Variants in KCND3 observed in about 807,000 individuals in gnomAD.
The protein encoded by KCND3 is A-type voltage-gated potassium channel KCND3.
KCND3 carries 9 observed loss-of-function variants against 51.1 expected under a neutral mutation model. The observed-to-expected ratio is 0.18, with a 90% CI of 0.11 to 0.31. The LOEUF is 0.31. Among genes scored for constraint, KCND3 ranks in the 10% least tolerant of loss-of-function variants. The pLI, the probability that KCND3 is intolerant of heterozygous loss-of-function variation, is 1.00. For synonymous variants in KCND3, 349 were observed against 368.0 expected (o/e 0.95, Z 0.59); for missense variants, 526 against 903.8 (o/e 0.58, Z 5.36).
chr1:111,955,520 GC>G (rs1430646944), intron 2 of KCND3, among the ~76,000 whole-genome samples: 2 of 152,154 alleles, frequency 1.3e-5, no homozygotes, highest in Admixed American at 1.3e-4. Context: ...TGGATGGGGG[GC>G]CACATTTCTG....
intron 2 of KCND3, among the ~76,000 whole-genome samples, chr1:111,836,580 T>G (rs956624998): frequency 1.3e-5 from 2 of 152,142 alleles, no homozygotes; most frequent in African/African-American, 4.8e-5. Context: ...TCTTCTGACC[T>G]CCAGAAGCCT....
chr1:111,863,743 C>A (rs1315647346), intron 2 of KCND3, among the ~76,000 whole-genome samples: 1 of 152,068 alleles, frequency 6.6e-6, no homozygotes, highest in African/African-American at 2.4e-5. Flanking sequence ...AGCAGGATAG[C>A]AACATAATTA....
At chr1:111,969,013 T>TG (rs1291461226) in intron 2 of KCND3, among the ~76,000 whole-genome samples, 1 of 152,198 alleles carries the variant, frequency 6.6e-6, no homozygotes, top group Non-Finnish European at 1.5e-5. Context: ...TCAGGCTTTT[T>TG]TTTTTCTTTG....
chr1:111,844,835 C>T (rs1206066071), intron 2 of KCND3, among the ~76,000 whole-genome samples: 1 of 152,188 alleles, frequency 6.6e-6, no homozygotes, highest in Non-Finnish European at 1.5e-5. Context: ...CACCCAGCAT[C>T]TTGGTCCCTT....
chr1:111,942,839 A>G (rs1355936785), intron 2 of KCND3, among the ~76,000 whole-genome samples: 1 of 152,206 alleles, frequency 6.6e-6, no homozygotes, highest in African/African-American at 2.4e-5. Flanking sequence ...CTCTGGCTCC[A>G]TTTAAATGGC....
intron 2 of KCND3, among the ~76,000 whole-genome samples, chr1:111,825,199 A>G (rs1468651996): frequency 4.6e-5 from 7 of 152,188 alleles, no homozygotes; most frequent in Admixed American, 4.6e-4. Context: ...CAGGGTCCAC[A>G]CTTTGGGAAG....
At chr1:111,923,661 C>T (rs1671574020) in intron 2 of KCND3, among the ~76,000 whole-genome samples, 1 of 152,218 alleles carries the variant, frequency 6.6e-6, no homozygotes, top group South Asian at 2.1e-4. Flanking sequence ...AAATTTATTT[C>T]TGTACTGCCA....
intron 2 of KCND3, among the ~76,000 whole-genome samples, chr1:111,796,624 T>C (rs747752418): frequency 2.6e-5 from 4 of 152,064 alleles, no homozygotes; most frequent in Non-Finnish European, 5.9e-5. Flanking sequence ...CTGGGAACTA[T>C]TGGAGGGTGG....
At chr1:111,816,357 T>G (rs1666088440) in intron 2 of KCND3, among the ~76,000 whole-genome samples, 1 of 151,914 alleles carries the variant, frequency 6.6e-6, no homozygotes, top group Non-Finnish European at 1.5e-5. Context: ...CTGAGTGGAG[T>G]GAACTGACTC....
At chr1:111,857,121 A>C (rs1024487832) in intron 2 of KCND3, among the ~76,000 whole-genome samples, 1 of 152,144 alleles carries the variant, frequency 6.6e-6, no homozygotes, top group Non-Finnish European at 1.5e-5. Context: ...TCATTTACAA[A>C]TAGTAAGTGA....
intron 2 of KCND3, among the ~76,000 whole-genome samples, chr1:111,916,915 T>C (rs1375324161): frequency 1.3e-5 from 2 of 152,206 alleles, no homozygotes; most frequent in Admixed American, 1.3e-4. Context: ...GTTAAATCTT[T>C]CCACAAATAA....
chr1:111,889,217 A>G lies in KCND3; in HGVS notation c.1106+92404T>C, dbSNP rs544535588. On this transcript the variant is annotated intron_variant, in intron 2 of 7. Transcript: ENST00000302127. ...CATAAGTGAACAGAGGCCTGCCCCA[A>G]AAATTCAGGGGACAGACACCGCAGC... 2.6e-3 allele frequency among the ~76,000 whole-genome samples: 392 copies of G among 152,320 alleles called. 1 individual carries two copies. Among genetic ancestry groups the G allele is most frequent in the Non-Finnish European group, 3.0e-3 (202 of 68,020 alleles).
intron 2 of KCND3, among the ~76,000 whole-genome samples, chr1:111,875,597 C>A (rs549509390): frequency 6.6e-6 from 1 of 152,216 alleles, no homozygotes; most frequent in African/African-American, 2.4e-5. Context: ...CTCTGTGTTC[C>A]TTCCCGGGAT....
intron 2 of KCND3, among the ~76,000 whole-genome samples, chr1:111,979,315 C>T (rs761776279): frequency 9.2e-5 from 14 of 152,202 alleles, no homozygotes; most frequent in East Asian, 1.9e-4. Flanking sequence ...AAGAAGTCAG[C>T]GGTTTCCCCA....
intron 2 of KCND3, among the ~76,000 whole-genome samples, chr1:111,848,930 CCT>C (rs1667686946): frequency 6.6e-6 from 1 of 152,252 alleles, no homozygotes. Context: ...TCCCTTTTCC[CCT>C]GTCTTCCAGT....
chr1:111,891,602 T>A (rs1669823500), intron 2 of KCND3, among the ~76,000 whole-genome samples: 1 of 152,130 alleles, frequency 6.6e-6, no homozygotes, highest in South Asian at 2.1e-4. Flanking sequence ...TTCTCAGCTG[T>A]CCCCATCTCC....
At chr1:111,834,755 A>G (rs900605396) in intron 2 of KCND3, among the ~76,000 whole-genome samples, 4 of 152,244 alleles carry the variant, frequency 2.6e-5, no homozygotes, top group African/African-American at 9.6e-5. Context: ...GAAGAAACAC[A>G]GAAATTTATT....
chr1:111,898,278 T>C (rs1001105920), intron 2 of KCND3, among the ~76,000 whole-genome samples: 1 of 152,156 alleles, frequency 6.6e-6, no homozygotes, highest in Non-Finnish European at 1.5e-5. Flanking sequence ...GAAACAAAAG[T>C]GAATTTTAAA....
chr1:111,815,380 T>G (rs1666041034), intron 2 of KCND3, among the ~76,000 whole-genome samples: 2 of 151,884 alleles, frequency 1.3e-5, no homozygotes, highest in Admixed American at 1.3e-4. Context: ...TGGTCAGGCT[T>G]CTCTGAATCC....
Sources: allele counts gnomAD v4.1 joint callset (sites outside exome capture counted in the v4.1 genomes callset), GRCh38; gene constraint gnomAD v4.1.1; transcripts MANE v1.5; gene names NCBI Gene and HGNC (gene_info 2026-07-23, HGNC 2026-07-21).